Variants in SEMA5A observed in about 807,000 individuals in gnomAD.
The protein encoded by SEMA5A is semaphorin 5A.
SEMA5A carries 55 observed loss-of-function variants against 135.5 expected under a neutral mutation model. The ratio of observed to expected loss-of-function variants is 0.41; its 90% CI spans 0.33 to 0.51. The LOEUF (loss-of-function observed/expected upper bound fraction) is 0.51. Among genes scored for constraint, SEMA5A ranks in the 20% least tolerant of loss-of-function variants. The pLI, the probability that SEMA5A is intolerant of heterozygous loss-of-function variation, is 0.37. For missense variants in SEMA5A, 1,290 were observed against 1,419.9 expected, an observed-to-expected ratio of 0.91 and a Z score of 1.47; for synonymous variants, 580 against 546.5, an observed-to-expected ratio of 1.06 and a Z score of -0.85.
chr5:9,511,229 G>A (rs1018925499), intron 1 of SEMA5A: 1 of 152,148 alleles, frequency 6.6e-6, no homozygotes, highest in African/African-American at 2.4e-5. Context: ...TCTACAGCTT[G>A]TCAAATGCAC....
intron 5 of SEMA5A, among the ~76,000 whole-genome samples, chr5:9,316,440 TA>T (rs2150663059): frequency 6.6e-6 from 1 of 152,258 alleles, no homozygotes; most frequent in Non-Finnish European, 1.5e-5. Flanking sequence ...CTAGCAAATT[TA>T]AAAAGAAATG....
chr5:9,479,600 C>A (rs1759798062), intron 1 of SEMA5A, among the ~76,000 whole-genome samples: 1 of 152,126 alleles, frequency 6.6e-6, no homozygotes, highest in Non-Finnish European at 1.5e-5. Context: ...GGACTTAATA[C>A]AATCCAGAAA....
chr5:9,165,785 G>A (rs771869304), intron 11 of SEMA5A, among the ~76,000 whole-genome samples: 3 of 152,132 alleles, frequency 2.0e-5, no homozygotes, highest in South Asian at 4.1e-4. Flanking sequence ...TGGGCAGCTC[G>A]TCACCATGGC....
chr5:9,085,015 A>G (rs576623087), intron 16 of SEMA5A, among the ~76,000 whole-genome samples: 83 of 152,262 alleles, frequency 5.5e-4, no homozygotes, highest in African/African-American at 1.9e-3. Context: ...GACTGGTGGC[A>G]TTTTCCCCCT....
intron 2 of SEMA5A, among the ~76,000 whole-genome samples, chr5:9,387,443 A>G (rs1391002617): frequency 6.6e-6 from 1 of 152,124 alleles, no homozygotes; most frequent in East Asian, 1.9e-4. Context: ...AGCTCTTTTT[A>G]TATTTATGAA....
At chr5:9,272,197 C>T (rs1750011063) in intron 5 of SEMA5A, among the ~76,000 whole-genome samples, 1 of 152,034 alleles carries the variant, frequency 6.6e-6, no homozygotes, top group African/African-American at 2.4e-5. Flanking sequence ...GAGTGTCTGC[C>T]ATTGCTTAGG....
At chr5:9,487,639 G>A (rs1190141080) in intron 1 of SEMA5A, among the ~76,000 whole-genome samples, 1 of 152,162 alleles carries the variant, frequency 6.6e-6, no homozygotes, top group Non-Finnish European at 1.5e-5. Context: ...AGTGTTAAGT[G>A]TGATCTCTAA....
At chr5:9,542,634 T>C (rs1444829261) in intron 1 of SEMA5A, among the ~76,000 whole-genome samples, 1 of 152,230 alleles carries the variant, frequency 6.6e-6, no homozygotes, top group African/African-American at 2.4e-5. Flanking sequence ...TCTGGGTAAC[T>C]ATAGCAACAA....
intron 13 of SEMA5A, among the ~76,000 whole-genome samples, chr5:9,130,619 G>A (rs1479648): frequency 0.66 from 100,963 of 152,086 alleles, 36,208 homozygotes; most frequent in Non-Finnish European, 0.83. Context: ...CACAGTGAAC[G>A]TTAAATGAGA....
chr5:9,053,862 GGGCTAAA>G, intron 19 of SEMA5A: 1 of 440,616 alleles, frequency 2.3e-6, no homozygotes, highest in Non-Finnish European at 3.9e-6. Context: ...TCCCATTGCT[GGGCTAAA>G]GGCTTTGAAC....
rs146447120 is a variant in SEMA5A at position 9,054,201 on chromosome 5, C to T, written c.2575G>A (p.Gly859Ser). 740 of 1,614,034 alleles carry T rather than the reference C, an allele frequency of 4.6e-4. 1 individual carries two copies. Among genetic ancestry groups the T allele is most frequent in the African/African-American group, 1.0e-3 (77 of 75,008 alleles). Residue 859 changes from glycine to serine, a missense_variant, in exon 19 of 23, where the codon GGT becomes AGT. By Grantham distance (56) the Gly-to-Ser change is moderately conservative. Coordinates refer to ENST00000382496, the MANE Select transcript of SEMA5A (RefSeq NM_003966.3). ...PWTKCSATCG[G>S]GHYMRTRSCS... Reference sequence around the variant, plus strand: ...GAGCGGGTCCTCATATAGTGTCCACCGCCGCATGTTGCTGAACATTTTGTC... The same window carrying T: ...GAGCGGGTCCTCATATAGTGTCCACTGCCGCATGTTGCTGAACATTTTGTC...
chr5:9,418,107 G>T (rs1415966913), intron 2 of SEMA5A, among the ~76,000 whole-genome samples: 1 of 152,016 alleles, frequency 6.6e-6, no homozygotes. Flanking sequence ...CTCCCGAGTA[G>T]CTGGGACTAC....
At chr5:9,191,763 C>T (rs886540189) in intron 10 of SEMA5A, among the ~76,000 whole-genome samples, 3 of 152,332 alleles carry the variant, frequency 2.0e-5, no homozygotes, top group Non-Finnish European at 4.4e-5. Context: ...ACTATCACAC[C>T]CTTGCAGGGG....
intron 4 of SEMA5A, among the ~76,000 whole-genome samples, chr5:9,330,230 A>G (rs1045091988): frequency 9.9e-5 from 15 of 152,038 alleles, no homozygotes; most frequent in Non-Finnish European, 1.6e-4. Context: ...CTCTACTAAA[A>G]ATACAAAAAA....
At chr5:9,265,896 A>T (rs1333396025) in intron 5 of SEMA5A, among the ~76,000 whole-genome samples, 2 of 152,168 alleles carry the variant, frequency 1.3e-5, no homozygotes, top group Non-Finnish European at 2.9e-5. Context: ...CATCTGAAAA[A>T]TGCTAGGCGG....
At chr5:9,116,587 A>G (rs1052234317) in intron 15 of SEMA5A, among the ~76,000 whole-genome samples, 10 of 152,234 alleles carry the variant, frequency 6.6e-5, no homozygotes, top group Non-Finnish European at 1.0e-4. Context: ...GATGTCCCAG[A>G]TGAAAAATCA....
chr5:9,202,386 A>ACC, intron 8 of SEMA5A, 146 bp from the exon 9 acceptor site: 12 of 690,874 alleles, frequency 1.7e-5, no homozygotes, highest in South Asian at 1.1e-4. Flanking sequence ...CCCCGTGAGC[A>ACC]GCTTAATGAT....
In SEMA5A at chr5:9,242,588, G is replaced by A. The variant is rs114614694; in HGVS notation, c.271-4698C>T. Among the ~76,000 whole-genome samples, 1,142 of 152,246 alleles carry A rather than the reference G, an allele frequency of 7.5e-3. 19 individuals are homozygous for A. Among genetic ancestry groups the A allele is most frequent in the African/African-American group, 0.026 (1,075 of 41,532 alleles). On this transcript the variant is annotated intron_variant, in intron 5 of 22. Coordinates refer to ENST00000382496, the MANE Select transcript of SEMA5A (RefSeq NM_003966.3). ...TATGAGTATGCAAAGGCAAAAGAATGATACACTAGACTTTGAGGACTTATG... is the reference window on the plus strand; with the variant it reads ...TATGAGTATGCAAAGGCAAAAGAATAATACACTAGACTTTGAGGACTTATG...
At chr5:9,353,317 A>ATGAAAGGAAATGAAAGGGAAGGAAAG (rs1261140956) in intron 3 of SEMA5A, among the ~76,000 whole-genome samples, 1 of 53,472 alleles carries the variant, frequency 1.9e-5, no homozygotes, top group Non-Finnish European at 3.9e-5. Context: ...GGGAAGGGAA[A>ATGAAAGGAAATGAAAGGGAAGGAAAG]GGAAGGAAAG....
Sources: gnomAD v4.1 joint callset for allele counts (sites outside exome capture counted in the v4.1 genomes callset) on GRCh38, gnomAD v4.1.1 for gene constraint, MANE v1.5 for transcripts, NCBI Gene and HGNC (gene_info 2026-07-23, HGNC 2026-07-21) for gene names.